Variants in SLC24A2 observed in about 807,000 individuals in gnomAD.
SLC24A2 encodes solute carrier family 24 member 2.
Under a neutral mutation model 62.0 loss-of-function variants are expected in SLC24A2, and 36 were observed. The ratio of observed to expected loss-of-function variants is 0.58; its 90% CI spans 0.44 to 0.77. The LOEUF (loss-of-function observed/expected upper bound fraction) is 0.77, where lower values mean the gene tolerates loss of function less well. Among genes scored for constraint, SLC24A2 ranks in the 30% least tolerant of loss-of-function variants. The pLI, the probability that SLC24A2 is intolerant of heterozygous loss-of-function variation, is 0.00. For missense variants in SLC24A2, 846 were observed against 817.9 expected, an observed-to-expected ratio of 1.03 and a Z score of -0.42; for synonymous variants, 358 against 294.0, an observed-to-expected ratio of 1.22 and a Z score of -2.23.
At chr9:19,682,203 T>C (rs1345531240) in intron 2 of SLC24A2, among the ~76,000 whole-genome samples, 1 of 152,182 alleles carries the variant, frequency 6.6e-6, no homozygotes, top group Non-Finnish European at 1.5e-5. Context: ...CCTGCAGTGA[T>C]GAACATCCAC....
the SLC24A2 span, among the ~76,000 whole-genome samples, chr9:19,879,109 G>A: frequency 1.3e-5 from 2 of 151,758 alleles, no homozygotes; most frequent in Non-Finnish European, 2.9e-5. Context: ...TTTTTCTGTT[G>A]AATGCATCCC....
chr9:20,085,800 C>A, the SLC24A2 span, among the ~76,000 whole-genome samples: 1 of 152,186 alleles, frequency 6.6e-6, no homozygotes, highest in South Asian at 2.1e-4. Flanking sequence ...CTCAGACATA[C>A]AGACATCAAA....
chr9:20,125,841 C>A, the SLC24A2 span, among the ~76,000 whole-genome samples: 1 of 152,182 alleles, frequency 6.6e-6, no homozygotes. Flanking sequence ...GTTTTCCTTT[C>A]TGCTCTAGCA....
At chr9:20,250,058 A>G in the SLC24A2 span, among the ~76,000 whole-genome samples, 1 of 152,230 alleles carries the variant, frequency 6.6e-6, no homozygotes, top group Non-Finnish European at 1.5e-5. Flanking sequence ...AGGATTTTAA[A>G]CCAAGTCAAT....
intron 5 of SLC24A2, among the ~76,000 whole-genome samples, chr9:19,584,196 C>G (rs1363964840): frequency 6.7e-6 from 1 of 149,568 alleles, no homozygotes; most frequent in Non-Finnish European, 1.5e-5. Context: ...GTGAAGCTCT[C>G]ACTATGATCA....
At chr9:19,690,949 C>A (rs540380231) in intron 2 of SLC24A2, among the ~76,000 whole-genome samples, 1 of 150,900 alleles carries the variant, frequency 6.6e-6, no homozygotes, top group South Asian at 2.1e-4. Flanking sequence ...GAGAGAGAGA[C>A]AGAGAGAGAA....
the SLC24A2 span, among the ~76,000 whole-genome samples, chr9:19,852,020 A>G: frequency 6.6e-6 from 1 of 152,184 alleles, no homozygotes; most frequent in Non-Finnish European, 1.5e-5. Context: ...AATAATCACC[A>G]TTCTGGCTGG....
the SLC24A2 span, among the ~76,000 whole-genome samples, chr9:19,810,798 T>TA: frequency 0.015 from 2,312 of 152,220 alleles, 69 homozygotes; most frequent in African/African-American, 0.053. Context: ...AGGATAATCT[T>TA]AAAAAAATGT....
In SLC24A2 at chr9:19,509,546, C is replaced by CAA. The variant is rs1382648682; in HGVS notation, c.*6605_*6606dup. On this transcript the variant is annotated 3_prime_UTR_variant, in exon 11 of 11. Transcript: ENST00000341998. ...GTCTCTTATGAAGTACTATAAAGTG[C>CAA]AATATTAAAAAATTAAAAAACCCAA... 6.6e-6 allele frequency: 1 copy of CAA among 151,938 alleles called. No individual in the cohort carries two copies. The highest frequency in any genetic ancestry group is 1.5e-5 in the Non-Finnish European group (1 of 67,990). The allele number at this position is 151,938 out of a possible 1,614,324, so 9.4% of individuals were successfully genotyped here.
chr9:20,113,670 G>A, the SLC24A2 span, among the ~76,000 whole-genome samples: 16 of 151,840 alleles, frequency 1.1e-4, no homozygotes, highest in African/African-American at 3.1e-4. Flanking sequence ...CTCTGAACAC[G>A]TTGTGAAATG....
At chr9:20,108,955 T>C in the SLC24A2 span, among the ~76,000 whole-genome samples, 11 of 152,310 alleles carry the variant, frequency 7.2e-5, no homozygotes, top group Admixed American at 2.0e-4. Context: ...ATACTGACAG[T>C]AGTCACATAA....
At chr9:19,894,508 TG>T in the SLC24A2 span, among the ~76,000 whole-genome samples, 1 of 152,160 alleles carries the variant, frequency 6.6e-6, no homozygotes, top group African/African-American at 2.4e-5. Flanking sequence ...CGGCCAATTT[TG>T]TTTTTTTTTA....
intron 10 of SLC24A2, among the ~76,000 whole-genome samples, chr9:19,518,486 A>G (rs1269232844): frequency 3.5e-5 from 5 of 141,240 alleles, no homozygotes; most frequent in Non-Finnish European, 7.5e-5. Flanking sequence ...CAGTGGCGTG[A>G]TCTTGGTTCA....
intron 2 of SLC24A2, among the ~76,000 whole-genome samples, chr9:19,780,309 C>G (rs1236467274): frequency 6.6e-6 from 1 of 150,736 alleles, no homozygotes; most frequent in Non-Finnish European, 1.5e-5. Flanking sequence ...ACTCTGTCGC[C>G]CAGGCTGCAG....
At chr9:20,106,277 G>T in the SLC24A2 span, among the ~76,000 whole-genome samples, 2 of 152,250 alleles carry the variant, frequency 1.3e-5, no homozygotes, top group Middle Eastern at 3.4e-3. Flanking sequence ...GTACAAGGAG[G>T]AGCCAGTACC....
chr9:20,121,411 T>C, the SLC24A2 span, among the ~76,000 whole-genome samples: 1 of 152,082 alleles, frequency 6.6e-6, no homozygotes, highest in East Asian at 1.9e-4. Context: ...TGTCCAGGGG[T>C]TGGAAAACTT....
chr9:20,267,179 C>T, the SLC24A2 span, among the ~76,000 whole-genome samples: 1 of 152,074 alleles, frequency 6.6e-6, no homozygotes, highest in Admixed American at 6.5e-5. Flanking sequence ...TTGGAAAATG[C>T]CAACCTATAA....
At chr9:19,972,261 T>C in the SLC24A2 span, among the ~76,000 whole-genome samples, 1 of 152,050 alleles carries the variant, frequency 6.6e-6, no homozygotes, top group Non-Finnish European at 1.5e-5. Context: ...GAAGAAAATC[T>C]TGATGAGAAG....
At chr9:20,035,679 G>C in the SLC24A2 span, among the ~76,000 whole-genome samples, 3 of 152,152 alleles carry the variant, frequency 2.0e-5, no homozygotes, top group Non-Finnish European at 4.4e-5. Context: ...AGGATCACTT[G>C]AGCTCAGGAC....
Sources: gnomAD v4.1 joint callset for allele counts (sites outside exome capture counted in the v4.1 genomes callset) on GRCh38, gnomAD v4.1.1 for gene constraint, MANE v1.5 for transcripts, NCBI Gene and HGNC (gene_info 2026-07-23, HGNC 2026-07-21) for gene names.